The following MAPK10 variants were observed in gnomAD, a reference collection of about 807,000 sequenced individuals.
MAPK10 encodes mitogen-activated protein kinase 10.
A neutral mutation model predicts 59.3 loss-of-function variants in MAPK10; 25 were observed. That is an observed-to-expected ratio of 0.42 (90% CI 0.31 to 0.59). MAPK10 has a LOEUF of 0.59. Ranked by LOEUF, MAPK10 falls within the 20% of genes least tolerant of loss-of-function variation. MAPK10 has a pLI of 0.15. For synonymous variants in MAPK10, 190 were observed against 200.5 expected (o/e 0.95, Z 0.44); for missense variants, 351 against 568.9 (o/e 0.62, Z 3.90).
chr4:86,359,263 C>CCTCTCTCTCTCTCTCTCTCT lies in MAPK10; in HGVS notation c.-122+375_-122+394dup, dbSNP rs367595812. 2.0e-3 allele frequency among the ~76,000 whole-genome samples: 106 copies of CCTCTCTCTCTCTCTCTCTCT among 53,448 alleles called. 1 individual carries two copies. Among genetic ancestry groups the CCTCTCTCTCTCTCTCTCTCT allele is most frequent in the South Asian group, 6.0e-3 (3 of 496 alleles). The allele number at this position is 53,448 out of a possible 152,430, so 35.1% of individuals were successfully genotyped here. On this transcript the variant is annotated intron_variant, in intron 1 of 13. Transcript: ENST00000641462. ...CACAGCTGTTTGGTGTTTTTTTTTT[C>CCTCTCTCTCTCTCTCTCTCT]CTCTCTCTCTCTCTCTCTCTCTCTC...
At chr4:86,189,379 T>C (rs957026037) in intron 3 of MAPK10, among the ~76,000 whole-genome samples, 13 of 152,222 alleles carry the variant, frequency 8.5e-5, no homozygotes, top group African/African-American at 3.1e-4. Context: ...TCCATGAGCA[T>C]GGTATGTTTT....
chr4:86,527,353 C>T, intron 1 of MAPK10, among the ~76,000 whole-genome samples: 1 of 95,014 alleles, frequency 1.1e-5, no homozygotes, highest in East Asian at 3.4e-4. Context: ...AGGCAAAGGA[C>T]ATGAACAGAT....
At chr4:86,217,951 TA>T (rs1189620089) in intron 2 of MAPK10, among the ~76,000 whole-genome samples, 1 of 152,084 alleles carries the variant, frequency 6.6e-6, no homozygotes, top group Non-Finnish European at 1.5e-5. Context: ...GAATTACTTA[TA>T]AAGAGAAGTA....
At chr4:86,103,887 G>C (rs747910235) in intron 5 of MAPK10, among the ~76,000 whole-genome samples, 3 of 151,754 alleles carry the variant, frequency 2.0e-5, no homozygotes, top group Non-Finnish European at 4.4e-5. Context: ...CTACCTTCTA[G>C]TATAAGCAAA....
At chr4:86,048,293 G>A (rs1283587233) in intron 11 of MAPK10, among the ~76,000 whole-genome samples, 2 of 152,020 alleles carry the variant, frequency 1.3e-5, no homozygotes, top group Non-Finnish European at 2.9e-5. Context: ...ATGAATCACT[G>A]CAGCATAATG....
At chr4:86,309,969 A>C (rs2095638656) in intron 2 of MAPK10, among the ~76,000 whole-genome samples, 1 of 152,210 alleles carries the variant, frequency 6.6e-6, no homozygotes, top group Non-Finnish European at 1.5e-5. Context: ...GAAACTGCTT[A>C]AGGCAAACCT....
chr4:86,218,918 T>C (rs775383532), intron 2 of MAPK10, among the ~76,000 whole-genome samples: 1 of 152,200 alleles, frequency 6.6e-6, no homozygotes, highest in Admixed American at 6.5e-5. Flanking sequence ...TAGAGATAAG[T>C]GAAAAGGAGG....
At chr4:86,428,687 A>G (rs533179905) in intron 1 of MAPK10, among the ~76,000 whole-genome samples, 2 of 152,320 alleles carry the variant, frequency 1.3e-5, no homozygotes, top group East Asian at 1.9e-4. Flanking sequence ...TAGAAATGGT[A>G]TATTTATCAG....
chr4:86,475,407 C>A (rs1260547026), intron 1 of MAPK10, among the ~76,000 whole-genome samples: 1 of 152,136 alleles, frequency 6.6e-6, no homozygotes, highest in Non-Finnish European at 1.5e-5. Flanking sequence ...TCTTCTCCAA[C>A]CTCTCTCACT....
At chr4:86,255,828 T>A (rs1178103703) in intron 2 of MAPK10, among the ~76,000 whole-genome samples, 2 of 152,202 alleles carry the variant, frequency 1.3e-5, no homozygotes, top group African/African-American at 2.4e-5. Flanking sequence ...TCATCTTAGA[T>A]ATCTGTTTGT....
chr4:86,571,141 A>G (rs1761412708), intron 1 of MAPK10, among the ~76,000 whole-genome samples: 1 of 151,162 alleles, frequency 6.6e-6, no homozygotes, highest in Non-Finnish European at 1.5e-5. Flanking sequence ...TTTATTTTTT[A>G]AAGTTGTATT....
intron 1 of MAPK10, among the ~76,000 whole-genome samples, chr4:86,561,751 T>C (rs933916611): frequency 2.6e-5 from 4 of 152,214 alleles, no homozygotes; most frequent in Admixed American, 6.5e-5. Flanking sequence ...TAAAACACTT[T>C]TCTATGTCAA....
chr4:86,322,353 T>G (rs1308694379), intron 2 of MAPK10, among the ~76,000 whole-genome samples: 2 of 152,202 alleles, frequency 1.3e-5, no homozygotes, highest in African/African-American at 4.8e-5. Context: ...TCAGCTAGCA[T>G]ACATTCTGCA....
At chr4:86,115,757 G>A (rs973757629) in intron 4 of MAPK10, among the ~76,000 whole-genome samples, 3 of 152,122 alleles carry the variant, frequency 2.0e-5, no homozygotes, top group Non-Finnish European at 2.9e-5. Flanking sequence ...CACCAGGCCC[G>A]GCCTGGAGCT....
At chr4:86,236,217 T>C (rs2092213529) in intron 2 of MAPK10, among the ~76,000 whole-genome samples, 1 of 152,190 alleles carries the variant, frequency 6.6e-6, no homozygotes, top group African/African-American at 2.4e-5. Context: ...TAATCCAGGA[T>C]AATATCCCCA....
intron 1 of MAPK10, among the ~76,000 whole-genome samples, chr4:86,359,263 CCTCT>C (rs367595812): frequency 0.29 from 15,261 of 53,504 alleles, 1,867 homozygotes; most frequent in Middle Eastern, 0.42. Flanking sequence ...TTTTTTTTTT[CCTCT>C]CTCTCTCTCT....
intron 3 of MAPK10, chr4:86,193,752 A>G (rs2080532329): frequency 6.4e-6 from 1 of 157,242 alleles, no homozygotes. Flanking sequence ...CCCCCTTTCC[A>G]GGGGGGGTGA....
intron 1 of MAPK10, among the ~76,000 whole-genome samples, chr4:86,385,017 T>C (rs1323408395): frequency 6.6e-6 from 1 of 152,266 alleles, no homozygotes; most frequent in Non-Finnish European, 1.5e-5. Context: ...TAAATTGTTT[T>C]CTTATATATA....
chr4:86,089,103 C>T (rs2052550898), intron 9 of MAPK10: 4 of 869,492 alleles, frequency 4.6e-6, no homozygotes, highest in Non-Finnish European at 7.1e-6. Flanking sequence ...TAGAAACTCT[C>T]TAAGGACAGT....
Sources: allele counts gnomAD v4.1 joint callset (sites outside exome capture counted in the v4.1 genomes callset), GRCh38; gene constraint gnomAD v4.1.1; transcripts MANE v1.5; gene names NCBI Gene and HGNC (gene_info 2026-07-23, HGNC 2026-07-21).